Variants in ATF7IP observed in about 807,000 individuals in gnomAD.
ATF7IP encodes the protein activating transcription factor 7 interacting protein, also known as activating transcription factor 7-interacting protein 1.
Under a neutral mutation model 106.4 loss-of-function variants are expected in ATF7IP, and 23 were observed. That is an observed-to-expected ratio of 0.22 (90% confidence interval 0.16 to 0.31). The LOEUF (loss-of-function observed/expected upper bound fraction) is 0.31. Among genes scored for constraint, ATF7IP ranks in the 10% least tolerant of loss-of-function variants. The pLI is 1.00. For synonymous variants in ATF7IP, 542 were observed against 539.0 expected (o/e 1.01, Z -0.08); for missense variants, 1,334 against 1,524.3 (o/e 0.88, Z 2.08).
At chr12:14,434,071 A>C (rs909287940) in intron 2 of ATF7IP, among the ~76,000 whole-genome samples, 2 of 152,228 alleles carry the variant, frequency 1.3e-5, no homozygotes, top group African/African-American at 4.8e-5. Flanking sequence ...GAAAATTATT[A>C]AGTAATTTTT....
chr12:14,477,837 T>C (rs757581034), intron 11 of ATF7IP, among the ~76,000 whole-genome samples: 1 of 152,196 alleles, frequency 6.6e-6, no homozygotes, highest in Non-Finnish European at 1.5e-5. Context: ...TGAAGACCTT[T>C]TTTGAGATTA....
chr12:14,472,110 A>G (rs1212888289), intron 10 of ATF7IP, among the ~76,000 whole-genome samples: 2 of 123,268 alleles, frequency 1.6e-5, no homozygotes, highest in Non-Finnish European at 3.8e-5. Context: ...GTATAGCCTT[A>G]TAGTGTAGTA....
At chr12:14,461,674 ATTGT>A (rs1317422257) in intron 9 of ATF7IP, among the ~76,000 whole-genome samples, 10 of 152,046 alleles carry the variant, frequency 6.6e-5, no homozygotes, top group Non-Finnish European at 1.2e-4. Flanking sequence ...ATATTATATG[ATTGT>A]TTGTATTTTA....
Position 14,381,590 on chromosome 12 carries a change from GT to G in ATF7IP, c.-8+15770del, listed in dbSNP as rs537072691. Among the ~76,000 whole-genome samples, 901 of 151,926 alleles carry G rather than the reference GT, an allele frequency of 5.9e-3. 9 individuals carry two copies. The highest frequency in any genetic ancestry group is 0.02 in the African/African-American group (821 of 41,406). ...TAGCTGTTACCTCTTATTTCTCTCTGTTTTTTTAGGATTTATGTAGTTTTAG... is the reference window on the plus strand; with the variant it reads ...TAGCTGTTACCTCTTATTTCTCTCTGTTTTTTAGGATTTATGTAGTTTTAG... On this transcript the variant is annotated intron_variant, in intron 1 of 14. Coordinates refer to ENST00000261168, the MANE Select transcript of ATF7IP (RefSeq NM_018179.5).
At position 14,443,357 on chromosome 12, in the gene ATF7IP, C is replaced by G. The variant is rs181323552; in HGVS notation, c.1930-3631C>G. Among the ~76,000 whole-genome samples, 79 of 152,272 alleles carry G rather than the reference C, an allele frequency of 5.2e-4. 1 individual carries two copies. Among genetic ancestry groups the G allele is most frequent in the Non-Finnish European group, 1.0e-3 (68 of 68,022 alleles). On this transcript the variant is annotated intron_variant, in intron 5 of 14. Transcript: ENST00000261168. ...CTTCCATTAGATGAAGTAAGCCCAT[C>G]TGTGAAACCTCTAGCACAAGAAGAG...
chr12:14,380,871 T>C (rs1001729317), intron 1 of ATF7IP, among the ~76,000 whole-genome samples: 2 of 152,108 alleles, frequency 1.3e-5, no homozygotes, highest in Non-Finnish European at 2.9e-5. Context: ...CCACCTCCCT[T>C]GGCCTCCCAA....
chr12:14,380,723 G>T (rs1184796429), intron 1 of ATF7IP, among the ~76,000 whole-genome samples: 1 of 152,158 alleles, frequency 6.6e-6, no homozygotes, highest in Non-Finnish European at 1.5e-5. Context: ...CAGGCCAAGG[G>T]ATTCTCCTGT....
chr12:14,366,598 G>C (rs998553727), intron 1 of ATF7IP, among the ~76,000 whole-genome samples: 1 of 152,138 alleles, frequency 6.6e-6, no homozygotes, highest in African/African-American at 2.4e-5. Context: ...ATTTTAATCA[G>C]TTTGTATGTT....
At chr12:14,414,567 A>C in intron 1 of ATF7IP, among the ~76,000 whole-genome samples, 1 of 152,198 alleles carries the variant, frequency 6.6e-6, no homozygotes, top group East Asian at 1.9e-4. Context: ...TGGACACCCT[A>C]GCTAAAAGCT....
intron 2 of ATF7IP, 141 bp from the exon 3 acceptor site, chr12:14,434,196 C>G (rs933537700): frequency 5.2e-6 from 3 of 579,284 alleles, no homozygotes; most frequent in Non-Finnish European, 9.2e-6. Flanking sequence ...CTCCCCTTTT[C>G]CCCTCCCCAA....
At chr12:14,378,066 A>G (rs1938827809) in intron 1 of ATF7IP, among the ~76,000 whole-genome samples, 1 of 151,984 alleles carries the variant, frequency 6.6e-6, no homozygotes, top group African/African-American at 2.4e-5. Flanking sequence ...GTTTCTGGAC[A>G]AGACTGAACA....
At chr12:14,496,496 A>G (rs1215911979) in intron 14 of ATF7IP, among the ~76,000 whole-genome samples, 153 bp downstream of exon 14, 2 of 152,220 alleles carry the variant, frequency 1.3e-5, no homozygotes, top group East Asian at 1.9e-4. Context: ...TGATCTTACC[A>G]TTATGAACAC....
At position 14,478,406 on chromosome 12, in the gene ATF7IP, C is replaced by T. The variant is rs143106717; in HGVS notation, c.3031C>T (p.Pro1011Ser). Residue 1011 changes from proline (P) to serine (S), a missense_variant, in exon 12 of 15, where the codon CCT (proline) becomes TCT (serine). This residue lies in a region of ATF7IP where 370 missense variants were observed against 401.2 expected (regional missense o/e 0.92). Coordinates refer to ENST00000261168, the MANE Select transcript of ATF7IP (RefSeq NM_018179.5). ...ATTGCAACCCATACAACCAGCACCGCCTCTTCAACCATCTGGGGTGCCAAC... is the reference window on the plus strand; with the variant it reads ...ATTGCAACCCATACAACCAGCACCGTCTCTTCAACCATCTGGGGTGCCAAC... ...RPLQPIQPAPPLQPSGVPTSG... is the reference protein window; with the variant it reads ...RPLQPIQPAPSLQPSGVPTSG... 221 of 1,614,078 alleles carry T rather than the reference C, an allele frequency of 1.4e-4. 1 individual carries two copies. In the African/African-American group the frequency reaches 2.6e-3, roughly 19 times the overall value.
intron 7 of ATF7IP, 28 bp downstream of exon 7, chr12:14,456,662 TA>T (rs1180289713): frequency 1.3e-6 from 2 of 1,487,596 alleles, no homozygotes; most frequent in Non-Finnish European, 1.9e-6. Flanking sequence ...GTCTAGTTTT[TA>T]AAAACAGAAC....
chr12:14,484,217 A>T (rs1944516177), intron 13 of ATF7IP, among the ~76,000 whole-genome samples: 1 of 152,216 alleles, frequency 6.6e-6, no homozygotes, highest in East Asian at 1.9e-4. Context: ...GTGGAAGTCC[A>T]TGTTGCTGAG....
At chr12:14,493,297 A>G (rs1386374629) in intron 13 of ATF7IP, among the ~76,000 whole-genome samples, 1 of 152,190 alleles carries the variant, frequency 6.6e-6, no homozygotes, top group Non-Finnish European at 1.5e-5. Flanking sequence ...AAAGAACTCA[A>G]AACAGTTCTC....
intron 1 of ATF7IP, among the ~76,000 whole-genome samples, chr12:14,393,494 A>G (rs1939685810): frequency 6.6e-6 from 1 of 152,122 alleles, no homozygotes; most frequent in South Asian, 2.1e-4. Flanking sequence ...TGTTTGAGGA[A>G]ATTTATCATT....
chr12:14,405,432 T>TG (rs1940522877), intron 1 of ATF7IP, among the ~76,000 whole-genome samples: 1 of 86,298 alleles, frequency 1.2e-5, no homozygotes, highest in Non-Finnish European at 2.2e-5. Context: ...TTTTTTTTTT[T>TG]GTGACAGGAT....
rs1944249656 is a variant in ATF7IP at position 14,475,967 on chromosome 12, A to T, written c.2940A>T (p.Gln980His). The T allele has an allele frequency of 1.2e-6, 2 of 1,612,248 alleles. No homozygotes were observed. The highest frequency in any genetic ancestry group is 3.3e-5 in the Admixed American group (2 of 60,000). ...TMDDEESGAS[Q>H]DPKKLNHTPV... ...ATGATGAAGAGAGTGGAGCTTCACA[A>T]GGTACTTCAATAGTAATTGTACTAA... Residue 980 changes from glutamine to histidine, a missense_variant and splice_region_variant, in exon 11 of 15, where the codon CAA becomes CAT. Gln to His is a conservative substitution (Grantham distance 24, BLOSUM62 0). Transcript: ENST00000261168.
Sources: allele counts gnomAD v4.1 joint callset (sites outside exome capture counted in the v4.1 genomes callset), GRCh38; gene constraint gnomAD v4.1.1; regional missense constraint gnomAD v4.1.1; transcripts MANE v1.5; gene names NCBI Gene and HGNC (gene_info 2026-07-23, HGNC 2026-07-21).